SLC25A26: variants seen among roughly 807,000 people sequenced by gnomAD.
SLC25A26 encodes mitochondrial S-adenosylmethionine carrier protein.
In SLC25A26, 36 loss-of-function variants were observed where a neutral mutation model predicts 37.8. That is an observed-to-expected ratio of 0.95 (90% CI 0.73 to 1.26). The LOEUF (loss-of-function observed/expected upper bound fraction) is 1.26, where lower values mean the gene tolerates loss of function less well. Among genes scored for constraint, SLC25A26 ranks in the 50% most tolerant of loss-of-function variants. SLC25A26 has a pLI of 0.00. For synonymous variants in SLC25A26, 129 were observed against 122.5 expected, an observed-to-expected ratio of 1.05 and a Z score of -0.35; for missense variants, 390 against 331.1, an observed-to-expected ratio of 1.18 and a Z score of -1.38.
At chr3:66,254,612 A>T (rs892953581) in intron 3 of SLC25A26, among the ~76,000 whole-genome samples, 1 of 152,254 alleles carries the variant, frequency 6.6e-6, no homozygotes, top group Non-Finnish European at 1.5e-5. Flanking sequence ...CTCTAAGTGC[A>T]TTAGATGTGT....
intron 9 of SLC25A26, among the ~76,000 whole-genome samples, chr3:66,372,461 G>T (rs765182864): frequency 2.0e-5 from 3 of 152,160 alleles, no homozygotes; most frequent in Non-Finnish European, 2.9e-5. Flanking sequence ...TATACTTGAC[G>T]TTATAATACT....
At chr3:66,253,218 T>C (rs923319210) in intron 3 of SLC25A26, among the ~76,000 whole-genome samples, 6 of 151,312 alleles carry the variant, frequency 4.0e-5, no homozygotes, top group Non-Finnish European at 8.8e-5. Context: ...CCGTCCTGGC[T>C]AACACGGTGA....
At chr3:66,314,510 C>T (rs116327281) in intron 5 of SLC25A26, among the ~76,000 whole-genome samples, 1,972 of 152,128 alleles carry the variant, frequency 0.013, 46 homozygotes, top group African/African-American at 0.044. Context: ...CTGCTGTATT[C>T]GGCGTGCCTG....
intron 5 of SLC25A26, among the ~76,000 whole-genome samples, chr3:66,310,618 A>G (rs1312702386): frequency 6.6e-6 from 1 of 152,138 alleles, no homozygotes; most frequent in Non-Finnish European, 1.5e-5. Flanking sequence ...TTGTTTTTGC[A>G]GTAGCTGGTA....
At chr3:66,229,410 G>A (rs2071904574) in intron 1 of SLC25A26, among the ~76,000 whole-genome samples, 1 of 152,154 alleles carries the variant, frequency 6.6e-6, no homozygotes, top group South Asian at 2.1e-4. Context: ...CATGTGTCAA[G>A]GACGAACCAA....
intron 1 of SLC25A26, among the ~76,000 whole-genome samples, chr3:66,153,064 C>T (rs1559552734): frequency 6.6e-6 from 1 of 152,172 alleles, no homozygotes; most frequent in African/African-American, 2.4e-5. Context: ...CTAAAACATA[C>T]TTCTCACTCC....
At chr3:66,299,710 G>A (rs2075015722) in intron 5 of SLC25A26, among the ~76,000 whole-genome samples, 1 of 152,176 alleles carries the variant, frequency 6.6e-6, no homozygotes, top group Non-Finnish European at 1.5e-5. Flanking sequence ...GAAATAAACT[G>A]ATTTGGATTT....
At chr3:66,164,764 C>T (rs1357137870) in intron 1 of SLC25A26, among the ~76,000 whole-genome samples, 2 of 152,118 alleles carry the variant, frequency 1.3e-5, no homozygotes, top group Non-Finnish European at 1.5e-5. Context: ...AGGCTGTGGG[C>T]CATAGTTTGC....
chr3:66,287,880 T>C (rs2074567042), intron 5 of SLC25A26, among the ~76,000 whole-genome samples: 5 of 152,248 alleles, frequency 3.3e-5, no homozygotes, highest in Admixed American at 3.3e-4. Flanking sequence ...ATGTGAAGTT[T>C]TTAATGCAGA....
rs1216721434 is a variant in SLC25A26, at chr3:66,201,456, C to T, written c.-353-19286C>T. On this transcript the variant is annotated intron_variant, in intron 1 of 10. Coordinates refer to the SLC25A26 transcript ENST00000676754. ...TCAGGTGATCCTACCACCTCAGCCTCCCAAGTAGCTGTGACTATGGGCACG... is the reference window on the plus strand; with the variant it reads ...TCAGGTGATCCTACCACCTCAGCCTTCCAAGTAGCTGTGACTATGGGCACG... 5.3e-5 allele frequency among the ~76,000 whole-genome samples: 8 copies of T among 152,190 alleles called. No homozygotes were observed. In the East Asian group the frequency reaches 7.7e-4, roughly 15 times the overall value.
At chr3:66,327,011 A>G (rs548892746) in intron 5 of SLC25A26, among the ~76,000 whole-genome samples, 37 of 152,242 alleles carry the variant, frequency 2.4e-4, no homozygotes, top group Non-Finnish European at 4.4e-4. Flanking sequence ...AAAGCATTTT[A>G]CAAATTACCA....
rs1282853545 is a variant in SLC25A26 at position 66,210,219 on chromosome 3, A to G, written c.-353-10523A>G. Among the ~76,000 whole-genome samples, 3 of 151,818 alleles carry G rather than the reference A, an allele frequency of 2.0e-5. No homozygotes were observed. In the South Asian group the frequency reaches 6.3e-4, roughly 32 times the overall value. ...TGATAGACATTGTCTCTGTCTTCAC[A>G]CATTTTTATAATCTAGTGGTGGAGA... is the stretch of plus-strand genomic sequence containing the variant. On this transcript the variant is annotated intron_variant, in intron 1 of 10. Coordinates refer to the SLC25A26 transcript ENST00000676754.
chr3:66,279,707 T>C (rs964898736), intron 5 of SLC25A26, among the ~76,000 whole-genome samples: 1 of 152,210 alleles, frequency 6.6e-6, no homozygotes, highest in Non-Finnish European at 1.5e-5. Context: ...TTTGATCTTA[T>C]TAGTTTAGTG....
At chr3:66,191,218 A>G (rs1224541514) in intron 1 of SLC25A26, among the ~76,000 whole-genome samples, 1 of 152,168 alleles carries the variant, frequency 6.6e-6, no homozygotes, top group African/African-American at 2.4e-5. Flanking sequence ...AATGTGGCGA[A>G]ACNCCATCTC....
At chr3:66,143,474 C>T (rs2070067475) in intron 1 of SLC25A26, among the ~76,000 whole-genome samples, 1 of 152,182 alleles carries the variant, frequency 6.6e-6, no homozygotes, top group Non-Finnish European at 1.5e-5. Flanking sequence ...GCCAAAAGTT[C>T]AGATCCCTCC....
chr3:66,145,393 A>G (rs565694154), intron 1 of SLC25A26, among the ~76,000 whole-genome samples: 4 of 152,336 alleles, frequency 2.6e-5, no homozygotes, highest in Admixed American at 6.5e-5. Context: ...CAGGTTCTAA[A>G]GTGGCCTTCA....
intron 1 of SLC25A26, among the ~76,000 whole-genome samples, chr3:66,188,704 G>T (rs2070878047): frequency 6.6e-6 from 1 of 152,068 alleles, no homozygotes; most frequent in South Asian, 2.1e-4. Context: ...CCAGCCCTCA[G>T]GTTTTCGTTT....
At chr3:66,345,407 T>TA (rs1313149650) in intron 5 of SLC25A26, among the ~76,000 whole-genome samples, 1 of 151,940 alleles carries the variant, frequency 6.6e-6, no homozygotes, top group Non-Finnish European at 1.5e-5. Flanking sequence ...CACCTGCCCT[T>TA]GCCCTCTCTC....
chr3:66,298,307 G>T (rs1230163150), intron 5 of SLC25A26, among the ~76,000 whole-genome samples: 1 of 152,172 alleles, frequency 6.6e-6, no homozygotes, highest in African/African-American at 2.4e-5. Context: ...TTACTAAGCT[G>T]GTGAAATTAA....
Sources: allele counts gnomAD v4.1 joint callset (sites outside exome capture counted in the v4.1 genomes callset), GRCh38; gene constraint gnomAD v4.1.1; transcripts MANE v1.5; gene names NCBI Gene and HGNC (gene_info 2026-07-23, HGNC 2026-07-21).